The following ANKRD30B variants were observed in gnomAD, a reference collection of about 807,000 sequenced individuals.
The protein encoded by ANKRD30B is ankyrin repeat domain 30B, also known as ankyrin repeat domain-containing protein 30B.
Under a neutral mutation model 202.2 loss-of-function variants are expected in ANKRD30B, and 144 were observed. That is an observed-to-expected ratio of 0.71 (90% CI 0.62 to 0.82). ANKRD30B has a LOEUF of 0.82. ANKRD30B is among the 40% of genes least tolerant of loss of function. The pLI, the probability that ANKRD30B is intolerant of heterozygous loss-of-function variation, is 0.00. For synonymous variants in ANKRD30B, 508 were observed against 561.3 expected, an observed-to-expected ratio of 0.91 and a Z score of 1.34; for missense variants, 1,487 against 1,669.1, an observed-to-expected ratio of 0.89 and a Z score of 1.90.
chr18:14,879,015 A>G, the ANKRD30B span, among the ~76,000 whole-genome samples: 3 of 152,008 alleles, frequency 2.0e-5, no homozygotes, highest in East Asian at 1.9e-4. Flanking sequence ...AGACCTGGGC[A>G]GGCAGGCAGG....
the ANKRD30B span, among the ~76,000 whole-genome samples, chr18:14,897,611 TG>T: frequency 1.9e-3 from 292 of 152,326 alleles, no homozygotes; most frequent in African/African-American, 5.9e-3. Flanking sequence ...AATATTTTTT[TG>T]GTTAAATATC....
At chr18:14,789,701 A>G (rs1968333152) in intron 15 of ANKRD30B, among the ~76,000 whole-genome samples, 1 of 152,130 alleles carries the variant, frequency 6.6e-6, no homozygotes, top group Admixed American at 6.5e-5. Context: ...AGATAGTTCT[A>G]GATATGCACC....
chr18:14,834,022 A>G (rs1255507434), intron 34 of ANKRD30B, among the ~76,000 whole-genome samples: 1 of 152,080 alleles, frequency 6.6e-6, no homozygotes, highest in African/African-American at 2.4e-5. Context: ...CCCCCGCATG[A>G]TTTATTCTTT....
chr18:14,777,042 C>T (rs1426100876), intron 9 of ANKRD30B, among the ~76,000 whole-genome samples: 2 of 152,078 alleles, frequency 1.3e-5, no homozygotes, highest in African/African-American at 4.8e-5. Flanking sequence ...GGTTGAAATG[C>T]CCTATTATTT....
intron 26 of ANKRD30B, among the ~76,000 whole-genome samples, chr18:14,809,610 T>C (rs1344130562): frequency 6.6e-6 from 1 of 150,832 alleles, no homozygotes; most frequent in African/African-American, 2.5e-5. Context: ...TATGCCTTTC[T>C]GGGATAGGAA....
At chr18:14,909,649 C>A in the ANKRD30B span, among the ~76,000 whole-genome samples, 1 of 152,156 alleles carries the variant, frequency 6.6e-6, no homozygotes. Flanking sequence ...CTCAGGTGAT[C>A]CACATGCTTG....
At chr18:14,906,750 C>T in the ANKRD30B span, among the ~76,000 whole-genome samples, 5 of 152,130 alleles carry the variant, frequency 3.3e-5, no homozygotes, top group Non-Finnish European at 1.5e-5. Flanking sequence ...ATAGGAGTGA[C>T]CATGGCCCAT....
intron 1 of ANKRD30B, among the ~76,000 whole-genome samples, chr18:14,748,976 G>A (rs1912961132): frequency 6.6e-6 from 1 of 152,122 alleles, no homozygotes; most frequent in Admixed American, 6.5e-5. Flanking sequence ...GTACATACAG[G>A]GTTTTACTTT....
At chr18:14,921,658 G>A in the ANKRD30B span, among the ~76,000 whole-genome samples, 1 of 152,330 alleles carries the variant, frequency 6.6e-6, no homozygotes, top group East Asian at 1.9e-4. Context: ...TGTAAAGGAA[G>A]TTCTAAAACC....
intron 10 of ANKRD30B, 109 bp from the exon 11 acceptor site, chr18:14,779,851 G>A: frequency 1.4e-6 from 1 of 703,888 alleles, no homozygotes; most frequent in Non-Finnish European, 2.3e-6. Context: ...GAATATACAG[G>A]CTCCAGAAGA....
intron 39 of ANKRD30B, among the ~76,000 whole-genome samples, chr18:14,847,841 C>T (rs1373126726): frequency 6.6e-6 from 1 of 151,950 alleles, no homozygotes; most frequent in Non-Finnish European, 1.5e-5. Context: ...GTGTGATTTT[C>T]TCTAATTTTA....
chr18:14,782,417 C>T, intron 11 of ANKRD30B, 110 bp from the exon 12 acceptor site: 13 of 804,942 alleles, frequency 1.6e-5, no homozygotes, highest in Non-Finnish European at 2.5e-5. Flanking sequence ...ATCCTCAAAT[C>T]AAATTGCCTT....
intron 26 of ANKRD30B, among the ~76,000 whole-genome samples, chr18:14,809,282 A>G (rs1598655224): frequency 6.6e-6 from 1 of 151,184 alleles, no homozygotes; most frequent in East Asian, 1.9e-4. Flanking sequence ...TAGTGTGTGC[A>G]TCGGTAATTT....
intron 34 of ANKRD30B, among the ~76,000 whole-genome samples, chr18:14,834,380 T>A (rs1205564200): frequency 6.6e-6 from 1 of 151,946 alleles, no homozygotes; most frequent in Non-Finnish European, 1.5e-5. Flanking sequence ...TAATAGGAAA[T>A]AATTCATTGA....
At chr18:14,770,439 T>C (rs1966917748) in intron 8 of ANKRD30B, among the ~76,000 whole-genome samples, 1 of 152,202 alleles carries the variant, frequency 6.6e-6, no homozygotes, top group Admixed American at 6.5e-5. Flanking sequence ...CTCTTGTTTT[T>C]ATATCATCAT....
intron 22 of ANKRD30B, among the ~76,000 whole-genome samples, chr18:14,799,797 T>A (rs929211302): frequency 6.6e-6 from 1 of 152,068 alleles, no homozygotes; most frequent in Non-Finnish European, 1.5e-5. Flanking sequence ...ACTTGATGAT[T>A]CTTTGCTAGA....
chr18:14,826,677 C>CGT (rs1970673683), intron 32 of ANKRD30B, among the ~76,000 whole-genome samples: 1 of 132,960 alleles, frequency 7.5e-6, no homozygotes. Flanking sequence ...TCTCTCTCCC[C>CGT]CTCTCTCTCT....
At chr18:14,934,303 C>T in the ANKRD30B span, among the ~76,000 whole-genome samples, 332 of 152,322 alleles carry the variant, frequency 2.2e-3, 2 homozygotes, top group Non-Finnish European at 3.3e-3. Flanking sequence ...TGCTGGCCAG[C>T]GAGAGGCAGG....
At chr18:14,860,079 A>G in the ANKRD30B span, among the ~76,000 whole-genome samples, 4 of 113,052 alleles carry the variant, frequency 3.5e-5, no homozygotes, top group African/African-American at 6.9e-5. Context: ...CTCCCAGACA[A>G]TGGGCGGCCA....
Sources: gnomAD v4.1 joint callset for allele counts (sites outside exome capture counted in the v4.1 genomes callset) on GRCh38, gnomAD v4.1.1 for gene constraint, MANE v1.5 for transcripts, NCBI Gene and HGNC (gene_info 2026-07-23, HGNC 2026-07-21) for gene names.